The following CLVS1 variants were observed in gnomAD, a reference collection of about 807,000 sequenced individuals.
CLVS1 encodes clavesin 1.
CLVS1 carries 10 observed loss-of-function variants against 33.1 expected under a neutral mutation model. The ratio of observed to expected loss-of-function variants is 0.30; its 90% CI spans 0.19 to 0.51. The LOEUF (loss-of-function observed/expected upper bound fraction) is 0.51. Ranked by LOEUF, CLVS1 falls within the 20% of genes least tolerant of loss-of-function variation. The pLI, the probability that CLVS1 is intolerant of heterozygous loss-of-function variation, is 0.97. For synonymous variants in CLVS1, 163 were observed against 166.1 expected, an observed-to-expected ratio of 0.98 and a Z score of 0.14; for missense variants, 343 against 433.4, an observed-to-expected ratio of 0.79 and a Z score of 1.85.
chr8:61,309,725 T>G lies in CLVS1; in HGVS notation c.455+9443T>G, dbSNP rs533618345. The stretch of plus-strand genomic sequence containing the variant: ...CAAATGTTACCAGTCACTGCTGACC[T>G]GTGGCAGTCTCTAAAGGGCTAACAT... On this transcript the variant is annotated intron_variant, in intron 2 of 5. Transcript: ENST00000325897. 3.9e-5 allele frequency among the ~76,000 whole-genome samples: 6 copies of G among 152,346 alleles called. No individual in the cohort carries two copies. In the South Asian group the frequency reaches 1.2e-3, roughly 32 times the overall value.
intron 2 of CLVS1, among the ~76,000 whole-genome samples, chr8:61,362,402 C>T (rs1434650281): frequency 6.6e-6 from 1 of 152,198 alleles, no homozygotes; most frequent in East Asian, 1.9e-4. Flanking sequence ...ATGTCAAGCA[C>T]ACTGGACCTA....
intron 2 of CLVS1, among the ~76,000 whole-genome samples, chr8:61,266,245 C>A (rs1315144132): frequency 6.6e-6 from 1 of 152,002 alleles, no homozygotes; most frequent in Non-Finnish European, 1.5e-5. Context: ...GATGACCTCC[C>A]TTGTTTACTT....
chr8:61,286,168 AG>A (rs1014544245), upstream of CLVS1, among the ~76,000 whole-genome samples: 8 of 152,098 alleles, frequency 5.3e-5, no homozygotes, highest in Non-Finnish European at 8.8e-5. Context: ...TGAAATGAAG[AG>A]GGGGCTAAGT....
chr8:61,225,605 G>A, intron 2 of CLVS1, among the ~76,000 whole-genome samples: 1 of 152,084 alleles, frequency 6.6e-6, no homozygotes, highest in East Asian at 1.9e-4. Flanking sequence ...TACCTTTACT[G>A]GTTTTACAGG....
the CLVS1 span, among the ~76,000 whole-genome samples, chr8:61,003,461 A>T: frequency 6.6e-6 from 1 of 152,134 alleles, no homozygotes; most frequent in African/African-American, 2.4e-5. Flanking sequence ...ATGCAGGAAG[A>T]TATCTCTGAG....
chr8:61,052,633 A>T (rs1311908911), upstream of CLVS1, among the ~76,000 whole-genome samples: 1 of 152,202 alleles, frequency 6.6e-6, no homozygotes. Flanking sequence ...AAGAGGGCTG[A>T]CCAGGAAGCC....
At chr8:61,265,792 C>G (rs1456436950) in intron 2 of CLVS1, among the ~76,000 whole-genome samples, 1 of 152,218 alleles carries the variant, frequency 6.6e-6, no homozygotes, top group Admixed American at 6.5e-5. Context: ...CACAGCCACT[C>G]AGGTCCTGCC....
At chr8:61,479,279 T>A (rs1358729651) in intron 5 of CLVS1, among the ~76,000 whole-genome samples, 1 of 152,232 alleles carries the variant, frequency 6.6e-6, no homozygotes, top group Admixed American at 6.5e-5. Context: ...TTTGTTCATT[T>A]CTTTTTTTAT....
At chr8:61,264,627 G>A (rs1235054431) in intron 2 of CLVS1, 1 of 152,210 alleles carries the variant, frequency 6.6e-6, no homozygotes, top group African/African-American at 2.4e-5. Flanking sequence ...ATTGCAATTG[G>A]TTAAGGAAGA....
intron 2 of CLVS1, among the ~76,000 whole-genome samples, chr8:61,321,681 C>G (rs987972652): frequency 5.3e-5 from 8 of 152,116 alleles, no homozygotes; most frequent in Non-Finnish European, 1.0e-4. Context: ...GGGTGACCCT[C>G]TTCACATCAG....
chr8:61,121,357 T>C (rs1156792867), intron 1 of CLVS1, among the ~76,000 whole-genome samples: 1 of 152,240 alleles, frequency 6.6e-6, no homozygotes, highest in Non-Finnish European at 1.5e-5. Flanking sequence ...CTGGGAGCTG[T>C]AGACCAGAGC....
At chr8:60,978,173 A>T in the CLVS1 span, among the ~76,000 whole-genome samples, 1 of 152,394 alleles carries the variant, frequency 6.6e-6, no homozygotes, top group African/African-American at 2.4e-5. Flanking sequence ...CTGAAAAGAA[A>T]GGACAGTAGA....
intron 2 of CLVS1, among the ~76,000 whole-genome samples, chr8:61,192,297 T>C (rs1176763169): frequency 1.3e-5 from 2 of 152,194 alleles, no homozygotes; most frequent in Admixed American, 6.6e-5. Context: ...ATTTAACTAA[T>C]GGTGGTGGGA....
chr8:60,968,017 C>T, the CLVS1 span, among the ~76,000 whole-genome samples: 2 of 152,130 alleles, frequency 1.3e-5, no homozygotes, highest in Non-Finnish European at 2.9e-5. Context: ...CTGCTTACTG[C>T]AGCATCAAAT....
chr8:61,461,292 G>A (rs1447971001), intron 5 of CLVS1, among the ~76,000 whole-genome samples: 2 of 152,112 alleles, frequency 1.3e-5, no homozygotes, highest in African/African-American at 4.8e-5. Flanking sequence ...TTAACTTTTT[G>A]TAAAGCATCA....
chr8:61,279,615 AT>A (rs1809629615), intron 2 of CLVS1, among the ~76,000 whole-genome samples: 1 of 116,672 alleles, frequency 8.6e-6, no homozygotes, highest in African/African-American at 3.7e-5. Context: ...CTGATGCCCT[AT>A]TAAGATATCC....
chr8:61,136,735 C>A (rs1253965873), intron 2 of CLVS1, among the ~76,000 whole-genome samples: 1 of 152,142 alleles, frequency 6.6e-6, no homozygotes, highest in Non-Finnish European at 1.5e-5. Flanking sequence ...AACTAATGGA[C>A]ACTAGACTTA....
chr8:60,984,978 A>G, the CLVS1 span, among the ~76,000 whole-genome samples: 1 of 152,166 alleles, frequency 6.6e-6, no homozygotes, highest in Non-Finnish European at 1.5e-5. Context: ...AAGCCTCTCA[A>G]CACAGCGCTG....
intron 2 of CLVS1, among the ~76,000 whole-genome samples, chr8:61,255,342 A>G (rs1809055780): frequency 6.6e-6 from 1 of 151,816 alleles, no homozygotes; most frequent in African/African-American, 2.4e-5. Context: ...TCACATTACC[A>G]GACTTCTCTT....
Sources: gnomAD v4.1 joint callset for allele counts (sites outside exome capture counted in the v4.1 genomes callset) on GRCh38, gnomAD v4.1.1 for gene constraint, MANE v1.5 for transcripts, NCBI Gene and HGNC (gene_info 2026-07-23, HGNC 2026-07-21) for gene names.